The following OSBPL3 variants were observed in gnomAD, a reference collection of about 807,000 sequenced individuals.
OSBPL3 encodes the protein oxysterol-binding protein-related protein 3.
A neutral mutation model predicts 120.1 loss-of-function variants in OSBPL3; 65 were observed. That is an observed-to-expected ratio of 0.54 (90% confidence interval 0.44 to 0.67). OSBPL3 has a LOEUF of 0.67. OSBPL3 is among the 30% of genes least tolerant of loss of function. The pLI is 0.00. For synonymous variants in OSBPL3, 416 were observed against 402.6 expected, an observed-to-expected ratio of 1.03 and a Z score of -0.40; for missense variants, 1,004 against 1,082.1, an observed-to-expected ratio of 0.93 and a Z score of 1.01.
rs1801271108 is a variant in OSBPL3 at position 24,866,061 on chromosome 7, A to G, written c.549+9T>C. The G allele has an allele frequency of 6.2e-7, 1 of 1,609,460 alleles. No individual in the cohort carries two copies. Among genetic ancestry groups the G allele is most frequent in the Non-Finnish European group, 8.5e-7 (1 of 1,175,968 alleles). ...TTCTCAGATTCATTATTGGCAAAAC[A>G]CTCATTACCTTCCTACTTGAAATGG... On this transcript the variant is annotated intron_variant, in intron 6 of 22. Transcript: ENST00000313367.
At chr7:24,931,608 C>T (rs1341209801) in intron 1 of OSBPL3, among the ~76,000 whole-genome samples, 1 of 152,014 alleles carries the variant, frequency 6.6e-6, no homozygotes, top group Non-Finnish European at 1.5e-5. Context: ...GAACAATGCC[C>T]GTTGACACCT....
chr7:24,979,840 C>A (rs190420435), intron 1 of OSBPL3, 46 bp downstream of exon 1: 3 of 909,842 alleles, frequency 3.3e-6, no homozygotes, highest in African/African-American at 1.8e-5. Context: ...CGCCGCCAGG[C>A]CCCCCGACAC....
rs1226865925 is a variant in OSBPL3, at chr7:24,892,494, C to T, written c.-22G>A. The T allele has an allele frequency of 1.1e-5, 17 of 1,606,466 alleles. No individual in the cohort carries two copies. The highest frequency in any genetic ancestry group is 4.5e-5 in the East Asian group (2 of 44,786). On this transcript the variant is annotated 5_prime_UTR_variant, in exon 2 of 23. Coordinates refer to ENST00000313367, the MANE Select transcript of OSBPL3 (RefSeq NM_015550.4). Reference sequence around the variant, plus strand: ...TCATGGACAGCAAGTCACTTGGCCTCGAGACAATCAAAATGCCATCAGATG... The same window carrying T: ...TCATGGACAGCAAGTCACTTGGCCTTGAGACAATCAAAATGCCATCAGATG...
In OSBPL3 at chr7:24,840,684, T is replaced by C. The variant is rs17150267; in HGVS notation, c.1495+6A>G. ...CTTTTCAGAGATTAAATAATGTAAA[T>C]CTTACCCAAGGTCTGTCTCTCATTA... is the stretch of plus-strand genomic sequence containing the variant. On this transcript the variant is annotated splice_donor_region_variant and intron_variant, in intron 14 of 22. Transcript: ENST00000313367. 27,994 of 1,238,322 alleles carry C rather than the reference T, an allele frequency of 0.023. 575 individuals carry two copies. Among genetic ancestry groups the C allele is most frequent in the Admixed American group, 0.083 (3,560 of 43,022 alleles). The allele number at this position is 1,238,322 out of a possible 1,614,324, so 76.7% of individuals were successfully genotyped here.
intron 10 of OSBPL3, among the ~76,000 whole-genome samples, chr7:24,856,123 G>A (rs1267082397): frequency 6.6e-6 from 1 of 152,152 alleles, no homozygotes; most frequent in South Asian, 2.1e-4. Context: ...AGGCAACTGT[G>A]GCATCTGCGA....
intron 1 of OSBPL3, among the ~76,000 whole-genome samples, chr7:24,903,513 G>A (rs1807376648): frequency 6.6e-6 from 1 of 152,224 alleles, no homozygotes; most frequent in African/African-American, 2.4e-5. Flanking sequence ...CTATGCAAAT[G>A]TAACCCTATC....
intron 1 of OSBPL3, among the ~76,000 whole-genome samples, chr7:24,969,116 G>C (rs779809809): frequency 6.6e-6 from 1 of 152,182 alleles, no homozygotes; most frequent in African/African-American, 2.4e-5. Context: ...TTCCATCCAC[G>C]ATGTATGAAT....
Position 24,830,428 on chromosome 7 carries a change from T to TATCA in OSBPL3, c.1884+339_1884+340insTGAT, listed in dbSNP as rs1286392426. Among the ~76,000 whole-genome samples the TATCA allele has an allele frequency of 6.6e-6, 1 of 152,208 alleles. No individual in the cohort carries two copies. Among genetic ancestry groups the TATCA allele is most frequent in the Non-Finnish European group, 1.5e-5 (1 of 68,038 alleles). On this transcript the variant is annotated intron_variant, in intron 16 of 22. Coordinates refer to ENST00000313367, the MANE Select transcript of OSBPL3 (RefSeq NM_015550.4). This position sits in a 1 kb window ranked among gnomAD's most constrained non-coding sequence, Gnocchi z 4.4. ...GGGCATTCATGCTCTGGAATAATGATGTCAGTGTGTTAGGGAGCAATGTTA... is the reference window on the plus strand; with the variant it reads ...GGGCATTCATGCTCTGGAATAATGATATCAGTCAGTGTGTTAGGGAGCAATGTTA...
At chr7:24,878,895 C>T (rs191580656) in intron 2 of OSBPL3, among the ~76,000 whole-genome samples, 105 of 152,290 alleles carry the variant, frequency 6.9e-4, no homozygotes, top group Middle Eastern at 3.4e-3. Flanking sequence ...GCTATCACTG[C>T]TGCTGGACCA....
rs917784787 is a variant in OSBPL3 at position 24,880,580 on chromosome 7, A to T, written c.97-8511T>A. 2.6e-5 allele frequency among the ~76,000 whole-genome samples: 4 copies of T among 152,242 alleles called. No individual in the cohort carries two copies. The East Asian group carries it at 7.7e-4, about 29-fold the overall frequency. ...TTTTCTCTTGCCTTCAAAGTACACC[A>T]TAATGATTGGCTTTCCTGTACCATC... is the stretch of plus-strand genomic sequence containing the variant. On this transcript the variant is annotated intron_variant, in intron 2 of 22. Coordinates refer to ENST00000313367, the MANE Select transcript of OSBPL3 (RefSeq NM_015550.4).
chr7:24,809,696 G>A, intron 20 of OSBPL3, 111 bp downstream of exon 20: 1 of 978,386 alleles, frequency 1.0e-6, no homozygotes, highest in South Asian at 1.6e-5. Flanking sequence ...GTTCAAAGCA[G>A]AAGAGGCTGG....
chr7:24,904,208 C>A (rs761966894), intron 1 of OSBPL3, among the ~76,000 whole-genome samples: 49 of 152,114 alleles, frequency 3.2e-4, no homozygotes, highest in Non-Finnish European at 5.7e-4. Flanking sequence ...AACAGCATGA[C>A]AAGGAAGACT....
intron 1 of OSBPL3, among the ~76,000 whole-genome samples, chr7:24,911,908 G>A (rs1056941041): frequency 6.6e-6 from 1 of 152,162 alleles, no homozygotes; most frequent in Non-Finnish European, 1.5e-5. Context: ...GGTGGTTACT[G>A]GTAGACTAGA....
intron 16 of OSBPL3, among the ~76,000 whole-genome samples, chr7:24,826,058 C>A (rs1197722620): frequency 1.3e-5 from 2 of 152,174 alleles, no homozygotes; most frequent in Non-Finnish European, 2.9e-5. Flanking sequence ...AGGAACATAG[C>A]CAACTGAAAT....
chr7:24,895,317 T>C (rs1805977822), intron 1 of OSBPL3, among the ~76,000 whole-genome samples: 1 of 152,208 alleles, frequency 6.6e-6, no homozygotes, highest in Non-Finnish European at 1.5e-5. Flanking sequence ...GTCCTTACAT[T>C]GTGTTACTGC....
rs1484273932 is a variant in OSBPL3 at position 24,806,709 on chromosome 7, T to C, written c.2444+67A>G. ...TCAGGTGCCTCTGGTGGCCTAAGGA[T>C]TGTTAATAAGACTTTTTGTAAAGGG... On this transcript the variant is annotated intron_variant, in intron 21 of 22. Transcript: ENST00000313367. The surrounding 1 kb of genome is among the most constrained non-coding windows in gnomAD (Gnocchi z 5.2). The C allele has an allele frequency of 2.0e-6, 3 of 1,483,972 alleles. No individual in the cohort carries two copies. The highest frequency in any genetic ancestry group is 2.5e-5 in the South Asian group (2 of 79,240). 91.9% of individuals were successfully genotyped at this position (1,483,972 alleles called of 1,614,324 possible).
chr7:24,841,717 A>AG (rs547742202), intron 13 of OSBPL3, among the ~76,000 whole-genome samples: 6,244 of 82,516 alleles, frequency 0.076, 1,159 homozygotes, highest in Admixed American at 0.098. Context: ...AAAAAAAAAA[A>AG]AAAAGAGGCC....
rs1204309511 is a variant in OSBPL3 at position 24,932,639 on chromosome 7, C to G, written c.-149-40018G>C. ...CACACAGCAAAAAGGCACTGTCTACCAACCAAAAAACGAGCCTCCCAAGAC... is the reference window on the plus strand; with the variant it reads ...CACACAGCAAAAAGGCACTGTCTACGAACCAAAAAACGAGCCTCCCAAGAC... On this transcript the variant is annotated intron_variant, in intron 1 of 22. Coordinates refer to ENST00000313367, the MANE Select transcript of OSBPL3 (RefSeq NM_015550.4). This position sits in a 1 kb window ranked among gnomAD's most constrained non-coding sequence, Gnocchi z 5.6. 3.3e-5 allele frequency among the ~76,000 whole-genome samples: 5 copies of G among 152,078 alleles called. No homozygotes were observed. Among genetic ancestry groups the G allele is most frequent in the Non-Finnish European group, 7.4e-5 (5 of 68,006 alleles).
chr7:24,880,746 C>T (rs531214162), intron 2 of OSBPL3, among the ~76,000 whole-genome samples: 1 of 152,070 alleles, frequency 6.6e-6, no homozygotes, highest in Non-Finnish European at 1.5e-5. Context: ...GGACCAGGAC[C>T]CAGGTCTTTT....
Sources: gnomAD v4.1 joint callset for allele counts (sites outside exome capture counted in the v4.1 genomes callset) on GRCh38, gnomAD v4.1.1 for gene constraint, Gnocchi (gnomAD v3.1) non-coding constraint, MANE v1.5 for transcripts, NCBI Gene and HGNC (gene_info 2026-07-23, HGNC 2026-07-21) for gene names.